Variants in AGTPBP1 observed in about 807,000 individuals in gnomAD.
AGTPBP1 encodes the protein cytosolic carboxypeptidase 1.
Under a neutral mutation model 143.9 loss-of-function variants are expected in AGTPBP1, and 70 were observed. The observed-to-expected ratio is 0.49, with a 90% CI of 0.40 to 0.59. The LOEUF is 0.59. Ranked by LOEUF, AGTPBP1 falls within the 20% of genes least tolerant of loss-of-function variation. The probability of loss-of-function intolerance (pLI) is 0.00; values close to 1 mark genes in which losing one functional copy is unlikely to be tolerated. For synonymous variants in AGTPBP1, 463 were observed against 500.2 expected (o/e 0.93, Z 0.99); for missense variants, 1,229 against 1,464.5 (o/e 0.84, Z 2.62).
rs117257799 is a variant in AGTPBP1, at chr9:85,589,010, C to T, written c.2722+518G>A. Among the ~76,000 whole-genome samples, 24 of 151,162 alleles carry T rather than the reference C, an allele frequency of 1.6e-4. No homozygotes were observed. The East Asian group carries it at 4.2e-3, about 27-fold the overall frequency. On this transcript the variant is annotated intron_variant, in intron 20 of 25. Coordinates refer to ENST00000357081, the MANE Select transcript of AGTPBP1 (RefSeq NM_001330701.2). ...CAGCTTACCACTCATATTTTCGATA[C>T]ACAATAAGCTCTGTTTCCTGAAATA... is the stretch of plus-strand genomic sequence containing the variant.
chr9:85,583,303 A>G (rs1828395899), intron 23 of AGTPBP1, among the ~76,000 whole-genome samples: 1 of 152,184 alleles, frequency 6.6e-6, no homozygotes. Flanking sequence ...AACTAATATG[A>G]TTATAAAATT....
At chr9:85,679,727 T>C (rs1054698051) in intron 4 of AGTPBP1, among the ~76,000 whole-genome samples, 1 of 152,190 alleles carries the variant, frequency 6.6e-6, no homozygotes, top group Admixed American at 6.5e-5. Flanking sequence ...AGAAGTTCTT[T>C]ACATGTCAAA....
intron 1 of AGTPBP1, among the ~76,000 whole-genome samples, chr9:85,716,945 G>A (rs1837742759): frequency 6.6e-6 from 1 of 152,154 alleles, no homozygotes; most frequent in Non-Finnish European, 1.5e-5. Context: ...GGGCCTCCAT[G>A]TTTTCCTCCA....
At chr9:85,706,264 G>A (rs1240322170) in intron 2 of AGTPBP1, among the ~76,000 whole-genome samples, 1 of 151,770 alleles carries the variant, frequency 6.6e-6, no homozygotes, top group Non-Finnish European at 1.5e-5. Flanking sequence ...TGTAATCCCA[G>A]CACTTTGGGA....
intron 25 of AGTPBP1, among the ~76,000 whole-genome samples, chr9:85,559,160 A>T (rs1826537269): frequency 6.6e-6 from 1 of 152,222 alleles, no homozygotes; most frequent in African/African-American, 2.4e-5. Context: ...TATGAGTCCT[A>T]CCAGTATTTC....
intron 25 of AGTPBP1, among the ~76,000 whole-genome samples, chr9:85,564,753 T>C (rs1019388013): frequency 1.8e-4 from 27 of 152,212 alleles, no homozygotes; most frequent in African/African-American, 6.0e-4. Flanking sequence ...GATGATGAAA[T>C]CACCTAACAA....
intron 2 of AGTPBP1, among the ~76,000 whole-genome samples, chr9:85,705,553 G>T (rs972131485): frequency 6.6e-6 from 1 of 151,996 alleles, no homozygotes; most frequent in Non-Finnish European, 1.5e-5. Context: ...TGAGTGATAA[G>T]ACAATGATAC....
intron 11 of AGTPBP1, among the ~76,000 whole-genome samples, chr9:85,653,612 T>C (rs939684006): frequency 6.6e-6 from 1 of 152,142 alleles, no homozygotes; most frequent in Non-Finnish European, 1.5e-5. Flanking sequence ...TTAACCCCCA[T>C]AATCCTATGT....
the AGTPBP1 span, among the ~76,000 whole-genome samples, chr9:85,780,898 C>T: frequency 2.0e-5 from 3 of 152,106 alleles, no homozygotes; most frequent in Admixed American, 1.3e-4. Flanking sequence ...GGGCAGTTCA[C>T]GAGGTCAGGA....
chr9:85,728,602 T>A (rs756079206), intron 1 of AGTPBP1, among the ~76,000 whole-genome samples: 6 of 152,208 alleles, frequency 3.9e-5, no homozygotes, highest in Non-Finnish European at 7.3e-5. Flanking sequence ...GAATGCTTAT[T>A]TCAAATTAAA....
At chr9:85,583,946 T>C (rs1320865400) in intron 23 of AGTPBP1, among the ~76,000 whole-genome samples, 1 of 151,934 alleles carries the variant, frequency 6.6e-6, no homozygotes, top group Non-Finnish European at 1.5e-5. Context: ...AGATGTATGA[T>C]CTGATTTCGT....
chr9:85,553,700 A>G (rs750933997), intron 25 of AGTPBP1, among the ~76,000 whole-genome samples: 3 of 152,258 alleles, frequency 2.0e-5, no homozygotes, highest in Non-Finnish European at 2.9e-5. Context: ...AAAGTGTTAA[A>G]TGACTAAATT....
chr9:85,617,726 CA>C (rs35570755), intron 17 of AGTPBP1, among the ~76,000 whole-genome samples: 89 of 150,912 alleles, frequency 5.9e-4, no homozygotes, highest in African/African-American at 2.0e-3. Context: ...GTTAGACTGA[CA>C]AAGAAAAAAA....
intron 17 of AGTPBP1, among the ~76,000 whole-genome samples, chr9:85,607,500 G>T (rs1458609973): frequency 6.6e-6 from 1 of 152,070 alleles, no homozygotes; most frequent in Non-Finnish European, 1.5e-5. Context: ...ATATAGTATG[G>T]AAAGCCTATA....
At chr9:85,551,188 A>G (rs904814704) in intron 25 of AGTPBP1, among the ~76,000 whole-genome samples, 1 of 152,134 alleles carries the variant, frequency 6.6e-6, no homozygotes, top group Non-Finnish European at 1.5e-5. Context: ...CCACCAGCCA[A>G]TTAAACCTCT....
intron 11 of AGTPBP1, among the ~76,000 whole-genome samples, chr9:85,647,764 A>C (rs1223518814): frequency 4.6e-5 from 7 of 152,218 alleles, no homozygotes; most frequent in Non-Finnish European, 1.0e-4. Context: ...AAGAAGAGGA[A>C]ATAATACTAC....
At chr9:85,640,442 T>C (rs1832390299) in intron 13 of AGTPBP1, among the ~76,000 whole-genome samples, 1 of 152,210 alleles carries the variant, frequency 6.6e-6, no homozygotes, top group African/African-American at 2.4e-5. Context: ...GAATAGACAA[T>C]GCATTAATAA....
chr9:85,742,076 C>T, upstream of AGTPBP1: 1 of 1,109,394 alleles, frequency 9.0e-7, no homozygotes, highest in Non-Finnish European at 1.1e-6. Flanking sequence ...CGGGGCGGAG[C>T]GCACGCCCTC....
intron 3 of AGTPBP1, among the ~76,000 whole-genome samples, chr9:85,690,977 T>TG (rs1031362343): frequency 1.3e-5 from 2 of 152,206 alleles, no homozygotes; most frequent in Non-Finnish European, 1.5e-5. Flanking sequence ...GTAGGAGCAA[T>TG]GGACAAAAGT....
Sources: allele counts gnomAD v4.1 joint callset (sites outside exome capture counted in the v4.1 genomes callset), GRCh38; gene constraint gnomAD v4.1.1; transcripts MANE v1.5; gene names NCBI Gene and HGNC (gene_info 2026-07-23, HGNC 2026-07-21).